Variants in SORBS2 observed in about 807,000 individuals in gnomAD.
SORBS2 encodes sorbin and SH3 domain containing 2, also known as sorbin and SH3 domain-containing protein 2.
A neutral mutation model predicts 97.7 loss-of-function variants in SORBS2; 46 were observed. The observed-to-expected ratio is 0.47, with a 90% CI of 0.37 to 0.60. SORBS2 has a LOEUF of 0.60. SORBS2 is among the 20% of genes least tolerant of loss of function. The pLI, the probability that SORBS2 is intolerant of heterozygous loss-of-function variation, is 0.00. For missense variants in SORBS2, 1,316 were observed against 1,282.3 expected, an observed-to-expected ratio of 1.03 and a Z score of -0.40; for synonymous variants, 476 against 473.4, an observed-to-expected ratio of 1.01 and a Z score of -0.07.
At chr4:185,853,588 G>T (rs2099219106) in intron 1 of SORBS2, among the ~76,000 whole-genome samples, 1 of 152,176 alleles carries the variant, frequency 6.6e-6, no homozygotes, top group Non-Finnish European at 1.5e-5. Context: ...GGAGAAATAT[G>T]CAAACTTATT....
chr4:185,603,454 C>G (rs1252826746), intron 12 of SORBS2, among the ~76,000 whole-genome samples: 3 of 152,200 alleles, frequency 2.0e-5, no homozygotes, highest in African/African-American at 7.2e-5. Flanking sequence ...TCCTTTCACG[C>G]CTAACAGGAG....
chr4:185,710,968 T>G (rs2098414828), intron 2 of SORBS2, among the ~76,000 whole-genome samples: 1 of 147,932 alleles, frequency 6.8e-6, no homozygotes, highest in Admixed American at 6.7e-5. Context: ...ATAACTTTAT[T>G]TTATTTTTTA....
In SORBS2 at chr4:185,607,426, A is replaced by C. The variant is rs186499400; in HGVS notation, c.2796+4354T>G. The C allele has an allele frequency of 4.1e-6, 3 of 737,672 alleles. No homozygotes were observed. Among genetic ancestry groups the C allele is most frequent in the Non-Finnish European group, 4.0e-6 (2 of 498,860 alleles). 45.7% of individuals were successfully genotyped at this position (737,672 alleles called of 1,614,324 possible). The stretch of plus-strand genomic sequence containing the variant: ...AATAATAATGCATCAAAACATAGCG[A>C]TGGAGAAATGCAGAAAAGATGCGGT... On this transcript the variant is annotated intron_variant, in intron 12 of 14. Coordinates refer to ENST00000418609, the Ensembl canonical transcript of SORBS2. This position sits in a 1 kb window ranked among gnomAD's most constrained non-coding sequence, Gnocchi z 5.2.
chr4:185,883,269 T>A (rs2149782816), intron 1 of SORBS2, among the ~76,000 whole-genome samples: 1 of 152,300 alleles, frequency 6.6e-6, no homozygotes, highest in African/African-American at 2.4e-5. Flanking sequence ...CACAAAAGAA[T>A]ATATATTATT....
At chr4:185,713,500 C>G (rs2098441281) in intron 2 of SORBS2, among the ~76,000 whole-genome samples, 1 of 152,194 alleles carries the variant, frequency 6.6e-6, no homozygotes, top group African/African-American at 2.4e-5. Flanking sequence ...GAAATTTAAT[C>G]ATGGGGTGGA....
intron 12 of SORBS2, among the ~76,000 whole-genome samples, chr4:185,601,159 G>C (rs1325777112): frequency 6.6e-6 from 1 of 152,148 alleles, no homozygotes; most frequent in African/African-American, 2.4e-5. Context: ...CCAGCCTCTC[G>C]GGATGAAATG....
At chr4:185,790,852 T>C (rs910620555) in intron 1 of SORBS2, among the ~76,000 whole-genome samples, 1 of 152,212 alleles carries the variant, frequency 6.6e-6, no homozygotes, top group Non-Finnish European at 1.5e-5. Flanking sequence ...TCACTCAGCA[T>C]TGACTCTGTA....
chr4:185,929,167 T>C (rs1042302468), intron 1 of SORBS2, among the ~76,000 whole-genome samples: 1 of 152,224 alleles, frequency 6.6e-6, no homozygotes, highest in Non-Finnish European at 1.5e-5. Context: ...AAGAATCCTA[T>C]GACGAGCTTG....
At chr4:185,685,801 C>T (rs745779570) in intron 2 of SORBS2, among the ~76,000 whole-genome samples, 17 of 152,304 alleles carry the variant, frequency 1.1e-4, no homozygotes, top group South Asian at 2.1e-4. Flanking sequence ...CATGAGCCAC[C>T]GCACCTGGCC....
chr4:185,891,897 C>T (rs1208629008), intron 1 of SORBS2, among the ~76,000 whole-genome samples: 7 of 151,974 alleles, frequency 4.6e-5, no homozygotes, highest in South Asian at 2.1e-4. Context: ...TGCAGTGGCG[C>T]GATCTTGGCT....
chr4:185,691,814 G>A (rs1238922204), intron 2 of SORBS2, among the ~76,000 whole-genome samples: 3 of 151,886 alleles, frequency 2.0e-5, no homozygotes, highest in East Asian at 1.9e-4. Context: ...GTGCGATCTC[G>A]GCTCACTGCA....
Position 185,796,923 on chromosome 4 carries a change from G to A in SORBS2, c.-337-21557C>T, listed in dbSNP as rs572585237. On this transcript the variant is annotated intron_variant, in intron 1 of 20. Coordinates refer to the SORBS2 transcript ENST00000284776. The stretch of plus-strand genomic sequence containing the variant: ...CATGCCTGGGCGCTGTGGCCACGCT[G>A]TTCCCTGGTCACGGTAGGGCTGGGC... 4.5e-4 allele frequency among the ~76,000 whole-genome samples: 67 copies of A among 147,436 alleles called. 1 individual carries two copies. The highest frequency in any genetic ancestry group is 7.5e-4 in the Non-Finnish European group (50 of 66,674).
At chr4:185,614,708 G>A (rs2096601748) in intron 11 of SORBS2, 123 bp downstream of exon 23, 2 of 1,227,146 alleles carry the variant, frequency 1.6e-6, no homozygotes, top group African/African-American at 1.5e-5. Context: ...TAGAAAATAG[G>A]GTAAACATAA....
At chr4:185,943,837 G>C (rs2099273250) in intron 1 of SORBS2, among the ~76,000 whole-genome samples, 1 of 152,148 alleles carries the variant, frequency 6.6e-6, no homozygotes, top group East Asian at 1.9e-4. Context: ...CTGTTTCTAG[G>C]AGTGAAGTAC....
intron 2 of SORBS2, among the ~76,000 whole-genome samples, chr4:185,742,980 C>T (rs758716326): frequency 5.9e-5 from 9 of 152,114 alleles, no homozygotes; most frequent in Non-Finnish European, 1.2e-4. Context: ...GCGGGCACAG[C>T]GAATGCACCT....
At chr4:185,642,175 C>G (rs920619732) in intron 4 of SORBS2, among the ~76,000 whole-genome samples, 2 of 152,028 alleles carry the variant, frequency 1.3e-5, no homozygotes, top group Non-Finnish European at 2.9e-5. Context: ...GATGAAACTC[C>G]TTAAATTTTT....
At chr4:185,779,055 A>G (rs1475957386) in intron 1 of SORBS2, among the ~76,000 whole-genome samples, 2 of 152,170 alleles carry the variant, frequency 1.3e-5, no homozygotes, top group East Asian at 3.8e-4. Context: ...TAAAATCCTC[A>G]CTGTAAGAGA....
chr4:185,631,065 T>A (rs2096898500), intron 4 of SORBS2, among the ~76,000 whole-genome samples: 1 of 152,242 alleles, frequency 6.6e-6, no homozygotes, highest in African/African-American at 2.4e-5. Flanking sequence ...TGTTACCAAG[T>A]ATTGTCTTCA....
At chr4:185,657,648 A>G, upstream of SORBS2, 1 of 1,506,442 alleles carries the variant, frequency 6.6e-7, no homozygotes, top group South Asian at 1.2e-5. Context: ...AGGGAATCAT[A>G]AATTCATGTG....
Sources: allele counts gnomAD v4.1 joint callset (sites outside exome capture counted in the v4.1 genomes callset), GRCh38; gene constraint gnomAD v4.1.1; non-coding constraint Gnocchi (gnomAD v3.1); transcripts MANE v1.5; gene names NCBI Gene and HGNC (gene_info 2026-07-23, HGNC 2026-07-21).